KCNK2: variants seen among roughly 807,000 people sequenced by gnomAD.
KCNK2 encodes potassium channel subfamily K member 2.
Under a neutral mutation model 40.5 loss-of-function variants are expected in KCNK2, and 21 were observed. That is an observed-to-expected ratio of 0.52 (90% CI 0.37 to 0.75). The LOEUF (loss-of-function observed/expected upper bound fraction) is 0.75. Among genes scored for constraint, KCNK2 ranks in the 30% least tolerant of loss-of-function variants. KCNK2 has a pLI of 0.00. For missense variants in KCNK2, 399 were observed against 531.6 expected, an observed-to-expected ratio of 0.75 and a Z score of 2.45; for synonymous variants, 191 against 202.2, an observed-to-expected ratio of 0.94 and a Z score of 0.47.
At chr1:215,113,084 T>A (rs1660767900) in intron 2 of KCNK2, among the ~76,000 whole-genome samples, 1 of 152,204 alleles carries the variant, frequency 6.6e-6, no homozygotes, top group African/African-American at 2.4e-5. Flanking sequence ...GTTAACATTA[T>A]ACTGGACACA....
intron 6 of KCNK2, among the ~76,000 whole-genome samples, chr1:215,225,767 T>G (rs566494595): frequency 2.0e-5 from 3 of 152,328 alleles, no homozygotes; most frequent in East Asian, 3.9e-4. Flanking sequence ...AGACTAAACT[T>G]ATTTTATTAA....
chr1:215,109,583 TGC>T lies in KCNK2; in HGVS notation c.358-15048_358-15047del, dbSNP rs200743055. Among the ~76,000 whole-genome samples the T allele has an allele frequency of 1.7e-4, 26 of 152,228 alleles. 2 individuals are homozygous for T. Among genetic ancestry groups the T allele is most frequent in the Middle Eastern group, 3.4e-3 (1 of 294 alleles). Reference sequence around the variant, plus strand: ...AGTATTATTTGTGTGTGTGTGTGTGTGCGTGCATGTGTGTCACACCTCTTTAT... The same window carrying T: ...AGTATTATTTGTGTGTGTGTGTGTGTGTGCATGTGTGTCACACCTCTTTAT... On this transcript the variant is annotated intron_variant, in intron 2 of 6. Coordinates refer to ENST00000444842, the MANE Select transcript of KCNK2 (RefSeq NM_001017425.3).
At chr1:215,137,034 GGGGATTA>G (rs1661953427) in intron 3 of KCNK2, among the ~76,000 whole-genome samples, 1 of 151,996 alleles carries the variant, frequency 6.6e-6, no homozygotes, top group African/African-American at 2.4e-5. Flanking sequence ...TGTTATTGAA[GGGGATTA>G]TGTTTCAAAA....
At chr1:215,013,334 A>T (rs893825076) in intron 1 of KCNK2, among the ~76,000 whole-genome samples, 1 of 152,190 alleles carries the variant, frequency 6.6e-6, no homozygotes, top group African/African-American at 2.4e-5. Context: ...TATTTTCTTG[A>T]CTGACACAGC....
chr1:215,136,072 A>G (rs1661894970), intron 3 of KCNK2, among the ~76,000 whole-genome samples: 1 of 151,862 alleles, frequency 6.6e-6, no homozygotes, highest in East Asian at 1.9e-4. Flanking sequence ...ATAATCCAAA[A>G]TGTGATCATT....
At chr1:215,101,413 G>A (rs903452661) in intron 2 of KCNK2, among the ~76,000 whole-genome samples, 2 of 151,792 alleles carry the variant, frequency 1.3e-5, no homozygotes, top group South Asian at 2.1e-4. Context: ...GTTTTTTGGG[G>A]TGGGCAGGAA....
intron 6 of KCNK2, among the ~76,000 whole-genome samples, chr1:215,233,332 A>G (rs1666749639): frequency 6.6e-6 from 1 of 152,114 alleles, no homozygotes; most frequent in South Asian, 2.1e-4. Flanking sequence ...TAAAATAAAA[A>G]ATAGATCCCC....
intron 3 of KCNK2, among the ~76,000 whole-genome samples, chr1:215,131,022 GGC>G (rs1179378437): frequency 2.6e-5 from 4 of 150,958 alleles, no homozygotes; most frequent in African/African-American, 9.7e-5. Context: ...CACTGCGCCC[GGC>G]TAATTTTTTG....
chr1:215,081,781 A>G (rs898348461), upstream of KCNK2: 19 of 152,136 alleles, frequency 1.2e-4, no homozygotes, highest in African/African-American at 4.6e-4. Context: ...TTGAAGTTCC[A>G]CTACATCACG....
At chr1:215,116,931 A>G (rs1295159633) in intron 2 of KCNK2, among the ~76,000 whole-genome samples, 1 of 151,992 alleles carries the variant, frequency 6.6e-6, no homozygotes, top group East Asian at 1.9e-4. Context: ...TGTTTTGTAT[A>G]AAATATGCAA....
intron 1 of KCNK2, among the ~76,000 whole-genome samples, chr1:215,016,430 A>G (rs1198127088): frequency 6.6e-6 from 1 of 152,186 alleles, no homozygotes; most frequent in African/African-American, 2.4e-5. Flanking sequence ...GGAACAGAAT[A>G]GAAAGCCTAG....
chr1:215,148,573 C>T (rs541213249), intron 3 of KCNK2, among the ~76,000 whole-genome samples: 2 of 152,200 alleles, frequency 1.3e-5, no homozygotes, highest in African/African-American at 4.8e-5. Context: ...AGCATATTTT[C>T]TTGCATATCT....
At chr1:215,148,753 G>A (rs1286771685) in intron 3 of KCNK2, among the ~76,000 whole-genome samples, 1 of 152,168 alleles carries the variant, frequency 6.6e-6, no homozygotes, top group Non-Finnish European at 1.5e-5. Flanking sequence ...AAAGTACTAT[G>A]TATGTTGAAA....
chr1:215,209,504 A>ATAAAATATAATATATATATTATATAAT (rs1665530200), intron 6 of KCNK2, among the ~76,000 whole-genome samples: 1 of 2,822 alleles, frequency 3.5e-4, no homozygotes, highest in African/African-American at 1.1e-3. Flanking sequence ...TATAATATAT[A>ATAAAATATAATATATATATTATATAAT]ATATATATAA....
At chr1:215,150,720 T>G (rs1662651005) in intron 3 of KCNK2, among the ~76,000 whole-genome samples, 1 of 152,080 alleles carries the variant, frequency 6.6e-6, no homozygotes, top group Admixed American at 6.6e-5. Flanking sequence ...ATTCAGCTAT[T>G]TTACTAAGCT....
chr1:215,037,624 G>A (rs1452614), intron 1 of KCNK2, among the ~76,000 whole-genome samples: 128,977 of 151,466 alleles, frequency 0.85, 55,185 homozygotes, highest in East Asian at 0.99. Context: ...TAAGTGTTTG[G>A]CAGAAATCAC....
chr1:215,086,476 C>T lies in KCNK2; in HGVS notation c.155C>T (p.Thr52Met), dbSNP rs557780618. ...CTTGCTTCCCGGGTGGAGAGTGACACGACCATTAATGTTATGAAATGGAAG... is the reference window on the plus strand; with the variant it reads ...CTTGCTTCCCGGGTGGAGAGTGACATGACCATTAATGTTATGAAATGGAAG... ...TVLASRVESD[T>M]TINVMKWKTV... Residue 52 changes from threonine (T) to methionine (M), a missense_variant, in exon 2 of 7, where the codon ACG (threonine) becomes ATG (methionine). This residue lies in a region of KCNK2 where 279 missense variants were observed against 353.8 expected (regional missense o/e 0.79). Coordinates refer to ENST00000444842, the MANE Select transcript of KCNK2 (RefSeq NM_001017425.3). 5 of 1,614,074 alleles carry T rather than the reference C, an allele frequency of 3.1e-6. No homozygotes were observed. Among genetic ancestry groups the T allele is most frequent in the Non-Finnish European group, 8.5e-7 (1 of 1,179,994 alleles).
chr1:215,117,380 G>A (rs543054677), intron 2 of KCNK2, among the ~76,000 whole-genome samples: 1 of 151,974 alleles, frequency 6.6e-6, no homozygotes, highest in Non-Finnish European at 1.5e-5. Flanking sequence ...GGCAATAAAG[G>A]GTTTTCCTTT....
chr1:215,215,663 T>C (rs1208968132), intron 6 of KCNK2, among the ~76,000 whole-genome samples: 1 of 152,226 alleles, frequency 6.6e-6, no homozygotes, highest in African/African-American at 2.4e-5. Context: ...TAGGAACATT[T>C]GTTAAAAGGA....
Sources: allele counts gnomAD v4.1 joint callset (sites outside exome capture counted in the v4.1 genomes callset), GRCh38; gene constraint gnomAD v4.1.1; regional missense constraint gnomAD v4.1.1; transcripts MANE v1.5; gene names NCBI Gene and HGNC (gene_info 2026-07-23, HGNC 2026-07-21).